Variants in DPP6 observed in about 807,000 individuals in gnomAD.
DPP6 encodes A-type potassium channel modulatory protein DPP6.
Under a neutral mutation model 122.6 loss-of-function variants are expected in DPP6, and 69 were observed. The ratio of observed to expected loss-of-function variants is 0.56; its 90% confidence interval spans 0.46 to 0.69. DPP6 has a LOEUF of 0.69. DPP6 is among the 30% of genes least tolerant of loss of function. The probability of loss-of-function intolerance (pLI) is 0.00; values close to 1 mark genes in which losing one functional copy is unlikely to be tolerated. For missense variants in DPP6, 928 were observed against 1,116.9 expected, an observed-to-expected ratio of 0.83 and a Z score of 2.41; for synonymous variants, 418 against 433.1, an observed-to-expected ratio of 0.97 and a Z score of 0.43.
At position 154,807,031 on chromosome 7, in the gene DPP6, T is replaced by G; in HGVS notation, c.1585T>G (p.Ser529Ala). 6.2e-7 allele frequency: 1 copy of G among 1,613,914 alleles called. No individual in the cohort carries two copies. Among genetic ancestry groups the G allele is most frequent in the Non-Finnish European group, 8.5e-7 (1 of 1,179,844 alleles). Residue 529 changes from serine (S) to alanine (A), a missense_variant, in exon 16 of 26, where the codon TCC becomes GCC. Physicochemically the swap from Ser to Ala is moderately conservative, Grantham distance 99 (BLOSUM62 1). Transcript: ENST00000377770. Reference protein sequence around the residue: ...TVGNFNRQCLSCDLVENCTYF... With the variant: ...TVGNFNRQCLACDLVENCTYF... ...GGGCAACTTCAACAGGCAGTGCCTC[T>G]CCTGTGACCTGGTTGAGAACTGCAC...
At chr7:154,496,010 T>C (rs1210648535) in intron 3 of DPP6, among the ~76,000 whole-genome samples, 1 of 152,224 alleles carries the variant, frequency 6.6e-6, no homozygotes, top group African/African-American at 2.4e-5. Context: ...GATTCAACAA[T>C]AGGGAATACC....
At chr7:154,556,058 A>G (rs1830015567) in intron 4 of DPP6, among the ~76,000 whole-genome samples, 1 of 152,224 alleles carries the variant, frequency 6.6e-6, no homozygotes, top group African/African-American at 2.4e-5. Context: ...GCCATGAAGC[A>G]TTTCAAAATG....
chr7:154,290,790 G>A (rs1805158694), intron 1 of DPP6, among the ~76,000 whole-genome samples: 1 of 152,084 alleles, frequency 6.6e-6, no homozygotes, highest in Non-Finnish European at 1.5e-5. Flanking sequence ...CAGGTCCCTT[G>A]CTCTTCCTCT....
chr7:154,384,176 G>A (rs1469347332), intron 1 of DPP6, among the ~76,000 whole-genome samples: 1 of 152,184 alleles, frequency 6.6e-6, no homozygotes, highest in East Asian at 1.9e-4. Context: ...TGGGACCCAA[G>A]CTCAGGTGTC....
chr7:153,918,937 C>CCACTG (rs1800504069), intron 1 of DPP6, among the ~76,000 whole-genome samples: 1 of 142,400 alleles, frequency 7.0e-6, no homozygotes, highest in African/African-American at 2.6e-5. Flanking sequence ...CGAGATCATG[C>CCACTG]CACTGCACTC....
At chr7:154,138,023 G>T (rs144719861) in intron 1 of DPP6, among the ~76,000 whole-genome samples, 1 of 152,154 alleles carries the variant, frequency 6.6e-6, no homozygotes, top group African/African-American at 2.4e-5. Context: ...GGGTGTTTCT[G>T]CAGAAAAACA....
chr7:154,701,334 G>C (rs547883593), intron 7 of DPP6, among the ~76,000 whole-genome samples: 1 of 152,256 alleles, frequency 6.6e-6, no homozygotes, highest in South Asian at 2.1e-4. Context: ...GCCCAGGTTT[G>C]GTCAGCTTTG....
At chr7:154,447,463 A>C (rs1819982178) in intron 2 of DPP6, among the ~76,000 whole-genome samples, 1 of 152,206 alleles carries the variant, frequency 6.6e-6, no homozygotes, top group African/African-American at 2.4e-5. Context: ...CACAAGCATT[A>C]GACCTTAAGA....
chr7:154,799,068 G>A (rs983595132), intron 12 of DPP6, among the ~76,000 whole-genome samples: 7 of 152,150 alleles, frequency 4.6e-5, no homozygotes, highest in African/African-American at 1.7e-4. Flanking sequence ...GCTGGCCCAG[G>A]AGAAACTGGC....
At chr7:154,346,096 T>TA (rs1320160605) in intron 1 of DPP6, among the ~76,000 whole-genome samples, 2 of 152,068 alleles carry the variant, frequency 1.3e-5, no homozygotes, top group Non-Finnish European at 2.9e-5. Flanking sequence ...GGGCCGCAAT[T>TA]AAAAAGACAA....
At chr7:154,291,210 A>G (rs1805189483) in intron 1 of DPP6, among the ~76,000 whole-genome samples, 1 of 152,156 alleles carries the variant, frequency 6.6e-6, no homozygotes, top group Admixed American at 6.5e-5. Context: ...CTTGCCCATC[A>G]CCACCACCCT....
intron 1 of DPP6, among the ~76,000 whole-genome samples, chr7:154,159,701 G>A (rs1453100178): frequency 6.6e-6 from 1 of 152,306 alleles, no homozygotes. Context: ...AAAAGCCCAT[G>A]TGGCATAAAG....
At chr7:154,599,879 A>G (rs879685236) in intron 5 of DPP6, among the ~76,000 whole-genome samples, 7 of 152,068 alleles carry the variant, frequency 4.6e-5, no homozygotes, top group Admixed American at 1.3e-4. Context: ...GCACACATGC[A>G]CCGAGTAAAA....
intron 1 of DPP6, among the ~76,000 whole-genome samples, chr7:154,336,457 C>T (rs34363477): frequency 0.097 from 14,677 of 152,068 alleles, 857 homozygotes; most frequent in South Asian, 0.17. Flanking sequence ...GTATGGAGAA[C>T]GCAGCCACAC....
chr7:154,307,127 C>T (rs1806418382), intron 1 of DPP6, among the ~76,000 whole-genome samples: 1 of 152,124 alleles, frequency 6.6e-6, no homozygotes, highest in Non-Finnish European at 1.5e-5. Flanking sequence ...GAGTCAGAAG[C>T]CCAATCTGTG....
At chr7:154,840,624 TA>T (rs201788449) in intron 16 of DPP6, among the ~76,000 whole-genome samples, 2,436 of 152,334 alleles carry the variant, frequency 0.016, 60 homozygotes, top group African/African-American at 0.054. Flanking sequence ...TTTCCTCTTG[TA>T]AAACTGTTTT....
intron 1 of DPP6, among the ~76,000 whole-genome samples, chr7:153,937,570 C>T (rs960577138): frequency 6.6e-6 from 1 of 151,330 alleles, no homozygotes; most frequent in Non-Finnish European, 1.5e-5. Context: ...TCCTCAGCCT[C>T]CCAAGTAGCT....
At chr7:154,884,269 CAT>C (rs1334412859) in intron 21 of DPP6, 5 of 149,872 alleles carry the variant, frequency 3.3e-5, no homozygotes, top group African/African-American at 2.5e-5. Context: ...CATGCTCACA[CAT>C]ACACATACAT....
At chr7:154,184,476 C>A (rs942439740) in intron 1 of DPP6, among the ~76,000 whole-genome samples, 10 of 151,866 alleles carry the variant, frequency 6.6e-5, no homozygotes, top group African/African-American at 2.4e-4. Flanking sequence ...CTGCAAGAAT[C>A]CCTGGGCATC....
Sources: allele counts gnomAD v4.1 joint callset (sites outside exome capture counted in the v4.1 genomes callset), GRCh38; gene constraint gnomAD v4.1.1; transcripts MANE v1.5; gene names NCBI Gene and HGNC (gene_info 2026-07-23, HGNC 2026-07-21).